Variants in KIRREL3 observed in about 807,000 individuals in gnomAD.
KIRREL3 encodes the protein kin of IRRE-like protein 3.
Under a neutral mutation model 89.7 loss-of-function variants are expected in KIRREL3, and 36 were observed. That is an observed-to-expected ratio of 0.40 (90% confidence interval 0.31 to 0.53). The LOEUF is 0.53. KIRREL3 is among the 20% of genes least tolerant of loss of function. KIRREL3 has a pLI of 0.49. For missense variants in KIRREL3, 864 were observed against 1,056.6 expected (o/e 0.82, Z 2.53); for synonymous variants, 445 against 441.4 (o/e 1.01, Z -0.10).
rs1212593987 is a variant in KIRREL3 at position 126,627,883 on chromosome 11, G to C, written c.56-64971C>G. 1.3e-5 allele frequency among the ~76,000 whole-genome samples: 2 copies of C among 152,220 alleles called. No individual in the cohort carries two copies. Among genetic ancestry groups the C allele is most frequent in the Non-Finnish European group, 2.9e-5 (2 of 68,038 alleles). On this transcript the variant is annotated intron_variant, in intron 1 of 16. Transcript: ENST00000525144. The surrounding 1 kb of genome is among the most constrained non-coding windows in gnomAD (Gnocchi z 5.0). The stretch of plus-strand genomic sequence containing the variant: ...GTAGTGAGAGGATAGGTGGGTAGCA[G>C]TGTGGGCAGGAAAACAGCCCAGGAG...
rs1950638986 is a variant in KIRREL3, at chr11:126,791,470, A to C, written c.55+208985T>G. ...CACTCCTGATGGTGACGGCATTTGC[A>C]GAAAATTGTACATATTGTGCAGATC... On this transcript the variant is annotated intron_variant, in intron 1 of 16. Coordinates refer to ENST00000525144, the MANE Select transcript of KIRREL3 (RefSeq NM_032531.4). The surrounding 1 kb of genome is among the most constrained non-coding windows in gnomAD (Gnocchi z 4.8). 1.3e-5 allele frequency among the ~76,000 whole-genome samples: 2 copies of C among 152,242 alleles called. No homozygotes were observed. Among genetic ancestry groups the C allele is most frequent in the African/African-American group, 4.8e-5 (2 of 41,464 alleles).
chr11:126,741,899 C>T (rs1231281832), intron 1 of KIRREL3, among the ~76,000 whole-genome samples: 1 of 152,214 alleles, frequency 6.6e-6, no homozygotes, highest in African/African-American at 2.4e-5. Flanking sequence ...TGCCATACGG[C>T]TAGGTGAGAG....
chr11:126,919,715 C>G (rs1335659960), intron 1 of KIRREL3, among the ~76,000 whole-genome samples: 1 of 152,168 alleles, frequency 6.6e-6, no homozygotes, highest in African/African-American at 2.4e-5. Context: ...AACCCTTTCC[C>G]TGATATGTGC....
intron 1 of KIRREL3, among the ~76,000 whole-genome samples, chr11:126,882,876 C>A (rs1945556995): frequency 6.6e-6 from 1 of 152,200 alleles, no homozygotes; most frequent in African/African-American, 2.4e-5. Context: ...GTTCAAGAAC[C>A]ATGGGTTCAG....
intron 4 of KIRREL3, among the ~76,000 whole-genome samples, chr11:126,510,421 T>TTTCCTTCCTTCCTTCC (rs202158249): frequency 0.051 from 6,500 of 126,294 alleles, 555 homozygotes; most frequent in African/African-American, 0.15. Flanking sequence ...CCTGACGTTG[T>TTTCCTTCCTTCCTTCC]TTCCTTCCTT....
chr11:126,977,067 C>G lies in KIRREL3; in HGVS notation c.55+23388G>C, dbSNP rs1247152356. ...CCCAAGGAGGACTGCCCTTTTTATT[C>G]TTCTTCCTTCTTGAAACCTAAAAAA... On this transcript the variant is annotated intron_variant, in intron 1 of 16. Coordinates refer to ENST00000525144, the MANE Select transcript of KIRREL3 (RefSeq NM_032531.4). The surrounding 1 kb of genome is among the most constrained non-coding windows in gnomAD (Gnocchi z 4.7). Among the ~76,000 whole-genome samples the G allele has an allele frequency of 6.6e-6, 1 of 152,132 alleles. No individual in the cohort carries two copies. The highest frequency in any genetic ancestry group is 2.4e-5 in the African/African-American group (1 of 41,440).
Position 126,585,391 on chromosome 11 carries a change from G to A in KIRREL3, c.56-22479C>T, listed in dbSNP as rs12270242. On this transcript the variant is annotated intron_variant, in intron 1 of 16. Coordinates refer to ENST00000525144, the MANE Select transcript of KIRREL3 (RefSeq NM_032531.4). ...TGGGATTACTGGCACTCACCACCAC[G>A]CCCGGCTACATTTTGTATTTTCAGT... Among the ~76,000 whole-genome samples, 912 of 151,792 alleles carry A rather than the reference G, an allele frequency of 6.0e-3. 5 individuals carry two copies. Among genetic ancestry groups the A allele is most frequent in the African/African-American group, 0.021 (869 of 41,358 alleles).
At position 126,568,824 on chromosome 11, in the gene KIRREL3, A is replaced by AC. The variant is rs1430323103; in HGVS notation, c.56-5913dup. Among the ~76,000 whole-genome samples the AC allele has an allele frequency of 2.0e-5, 3 of 151,780 alleles. No homozygotes were observed. The highest frequency in any genetic ancestry group is 7.3e-5 in the African/African-American group (3 of 41,294). Reference sequence around the variant, plus strand: ...AAATAGAAACAAAATACCAAATTCTACCCCCCTCGTTTTTTTCTTTTTCAG... The same window carrying AC: ...AAATAGAAACAAAATACCAAATTCTACCCCCCCTCGTTTTTTTCTTTTTCAG... On this transcript the variant is annotated intron_variant, in intron 1 of 16. Coordinates refer to ENST00000525144, the MANE Select transcript of KIRREL3 (RefSeq NM_032531.4). The surrounding 1 kb of genome is among the most constrained non-coding windows in gnomAD (Gnocchi z 4.6).
At position 126,954,613 on chromosome 11, in the gene KIRREL3, C is replaced by T. The variant is rs759096229; in HGVS notation, c.55+45842G>A. ...CTGTGATGAAGGTGAGAGCATCTTC[C>T]CAAACCCTACAAGATGGCTTGATTC... On this transcript the variant is annotated intron_variant, in intron 1 of 16. Coordinates refer to ENST00000525144, the MANE Select transcript of KIRREL3 (RefSeq NM_032531.4). This position sits in a 1 kb window ranked among gnomAD's most constrained non-coding sequence, Gnocchi z 4.1. Among the ~76,000 whole-genome samples the T allele has an allele frequency of 2.0e-5, 3 of 151,980 alleles. No individual in the cohort carries two copies. Among genetic ancestry groups the T allele is most frequent in the Non-Finnish European group, 2.9e-5 (2 of 68,010 alleles).
rs1946809766 is a variant in KIRREL3 at position 126,689,761 on chromosome 11, C to T, written c.56-126849G>A. Among the ~76,000 whole-genome samples the T allele has an allele frequency of 6.6e-6, 1 of 152,210 alleles. No homozygotes were observed. The highest frequency in any genetic ancestry group is 1.5e-5 in the Non-Finnish European group (1 of 68,034). ...GGCCACCTGGGTCTCAGCAGAGGCC[C>T]TCCCAAGACTGACAGGTTAGCACGG... On this transcript the variant is annotated intron_variant, in intron 1 of 16. Transcript: ENST00000525144. The surrounding 1 kb of genome is among the most constrained non-coding windows in gnomAD (Gnocchi z 5.2).
chr11:126,629,786 T>G (rs1363696141), intron 1 of KIRREL3, among the ~76,000 whole-genome samples: 3 of 152,170 alleles, frequency 2.0e-5, no homozygotes, highest in Non-Finnish European at 2.9e-5. Flanking sequence ...AAGTCCACAG[T>G]GCCTGGTAAA....
intron 1 of KIRREL3, among the ~76,000 whole-genome samples, chr11:126,930,883 C>T (rs368814441): frequency 1.1e-4 from 16 of 152,302 alleles, no homozygotes; most frequent in African/African-American, 3.8e-4. Flanking sequence ...GTACTTGCCC[C>T]AAGGTCCATT....
intron 4 of KIRREL3, among the ~76,000 whole-genome samples, chr11:126,503,414 G>A (rs1028424365): frequency 4.6e-5 from 7 of 152,112 alleles, no homozygotes; most frequent in Admixed American, 3.3e-4. Context: ...AGGCAGGGAC[G>A]AATGGGTTTC....
At chr11:126,499,458 C>A (rs574618654) in intron 4 of KIRREL3, among the ~76,000 whole-genome samples, 2 of 152,268 alleles carry the variant, frequency 1.3e-5, no homozygotes, top group African/African-American at 4.8e-5. Flanking sequence ...TTCCTGGGAC[C>A]CTCGGATCAG....
rs1384379729 is a variant in KIRREL3 at position 126,531,592 on chromosome 11, C to G, written c.134-4905G>C. Among the ~76,000 whole-genome samples the G allele has an allele frequency of 7.0e-6, 1 of 142,712 alleles. No individual in the cohort carries two copies. Among genetic ancestry groups the G allele is most frequent in the Non-Finnish European group, 1.5e-5 (1 of 66,178 alleles). 93.6% of individuals were successfully genotyped at this position (142,712 alleles called of 152,430 possible). A position where few individuals can be genotyped will look rare whatever the true frequency, so the allele number is the denominator to read the frequency against. On this transcript the variant is annotated intron_variant, in intron 2 of 16. Coordinates refer to ENST00000525144, the MANE Select transcript of KIRREL3 (RefSeq NM_032531.4). This position sits in a 1 kb window ranked among gnomAD's most constrained non-coding sequence, Gnocchi z 4.7. ...TCCCCCACCCAAGGCCCCCCCTAAGCAACCCCACCTATCATTGAAGGCCCA... is the reference window on the plus strand; with the variant it reads ...TCCCCCACCCAAGGCCCCCCCTAAGGAACCCCACCTATCATTGAAGGCCCA...
At position 127,000,539 on chromosome 11, in the gene KIRREL3, G is replaced by C. The variant is rs377278029; in HGVS notation, c.-30C>G. ...TAGCGCAGCGAAGGAAAGCCGGCGG[G>C]GTAACTTGGCTGTGGTTAGTTTCTC... On this transcript the variant is annotated 5_prime_UTR_variant, in exon 1 of 17. Coordinates refer to ENST00000525144, the MANE Select transcript of KIRREL3 (RefSeq NM_032531.4). The surrounding 1 kb of genome is among the most constrained non-coding windows in gnomAD (Gnocchi z 7.1). 3.9e-5 allele frequency: 62 copies of C among 1,589,210 alleles called. No homozygotes were observed. In the African/African-American group the frequency reaches 7.9e-4, roughly 20 times the overall value.
chr11:126,502,476 A>G (rs1345170093), intron 4 of KIRREL3, among the ~76,000 whole-genome samples: 1 of 152,258 alleles, frequency 6.6e-6, no homozygotes, highest in African/African-American at 2.4e-5. Context: ...GCCCTGGTTC[A>G]CAGCGAGTGC....
Position 126,940,303 on chromosome 11 carries a change from A to T in KIRREL3, c.55+60152T>A, listed in dbSNP as rs1948388464. 1 of 152,176 alleles carries T rather than the reference A, an allele frequency of 6.6e-6. No individual in the cohort carries two copies. Among genetic ancestry groups the T allele is most frequent in the African/African-American group, 2.4e-5 (1 of 41,444 alleles). 9.4% of individuals were successfully genotyped at this position (152,176 alleles called of 1,614,324 possible). On this transcript the variant is annotated intron_variant, in intron 1 of 16. Transcript: ENST00000525144. This position sits in a 1 kb window ranked among gnomAD's most constrained non-coding sequence, Gnocchi z 4.6. ...TTTTTTTCTAGATTGGAAAAACAAT[A>T]GTTGTTTCTTTTTTCTTTTATTTCA... is the stretch of plus-strand genomic sequence containing the variant.
intron 4 of KIRREL3, among the ~76,000 whole-genome samples, chr11:126,502,272 C>T (rs536519876): frequency 2.5e-4 from 38 of 152,290 alleles, no homozygotes; most frequent in African/African-American, 7.7e-4. Flanking sequence ...ATCCACTCAC[C>T]GCACTGGACC....
Sources: gnomAD v4.1 joint callset for allele counts (sites outside exome capture counted in the v4.1 genomes callset) on GRCh38, gnomAD v4.1.1 for gene constraint, Gnocchi (gnomAD v3.1) non-coding constraint, MANE v1.5 for transcripts, NCBI Gene and HGNC (gene_info 2026-07-23, HGNC 2026-07-21) for gene names.